The following BCO1 variants were observed in gnomAD, a reference collection of about 807,000 sequenced individuals.
The protein encoded by BCO1 is beta,beta-carotene 15,15'-dioxygenase.
Under a neutral mutation model 56.3 loss-of-function variants are expected in BCO1, and 54 were observed. The ratio of observed to expected loss-of-function variants is 0.96; its 90% CI spans 0.77 to 1.20. BCO1 has a LOEUF of 1.20. BCO1 is among the 50% of genes most tolerant of loss of function. BCO1 has a pLI of 0.00. For missense variants in BCO1, 801 were observed against 690.9 expected, an observed-to-expected ratio of 1.16 and a Z score of -1.79; for synonymous variants, 318 against 266.1, an observed-to-expected ratio of 1.20 and a Z score of -1.90.
intron 1 of BCO1, among the ~76,000 whole-genome samples, chr16:81,243,578 C>T (rs117523449): frequency 0.015 from 2,235 of 152,264 alleles, 18 homozygotes; most frequent in Middle Eastern, 0.031. Flanking sequence ...AAGCAATTCT[C>T]CTGTCTCAGC....
In BCO1 at chr16:81,245,849, C is replaced by CTTT. The variant is rs1176582576; in HGVS notation, c.193+270_193+272dup. Among the ~76,000 whole-genome samples the CTTT allele has an allele frequency of 4.6e-4, 43 of 93,368 alleles. 4 individuals carry two copies. Among genetic ancestry groups the CTTT allele is most frequent in the Non-Finnish European group, 7.3e-4 (36 of 49,474 alleles). The allele number at this position is 93,368 out of a possible 152,430, so 61.3% of individuals were successfully genotyped here. A position where few individuals can be genotyped will look rare whatever the true frequency, so the allele number is the denominator to read the frequency against. ...CCTTGACTTGTGGCTCCATCTCTGT[C>CTTT]TTTTTTTTTTTTTTTTTTTTTTTTT... is the stretch of plus-strand genomic sequence containing the variant. On this transcript the variant is annotated intron_variant, in intron 2 of 10. Transcript: ENST00000258168.
chr16:81,250,773 G>T (rs189360347), intron 2 of BCO1, among the ~76,000 whole-genome samples: 1,614 of 152,098 alleles, frequency 0.011, 20 homozygotes, highest in Admixed American at 0.026. Context: ...TAGAGATAGG[G>T]TCTCGCCATG....
chr16:81,245,922 G>A lies in BCO1; in HGVS notation c.193+319G>A, dbSNP rs193103366. ...TTGTTGCCCAAGCTGGAGTGCAATG[G>A]TGCAATCTTGACTCACGGCAACCTG... On this transcript the variant is annotated intron_variant, in intron 2 of 10. Transcript: ENST00000258168. Among the ~76,000 whole-genome samples, 18 of 138,160 alleles carry A rather than the reference G, an allele frequency of 1.3e-4. No individual in the cohort carries two copies. In the Admixed American group the frequency reaches 1.4e-3, roughly 10 times the overall value. The allele number at this position is 138,160 out of a possible 152,430, so 90.6% of individuals were successfully genotyped here.
At chr16:81,259,445 G>T (rs1293158242) in intron 2 of BCO1, among the ~76,000 whole-genome samples, 2 of 152,204 alleles carry the variant, frequency 1.3e-5, no homozygotes, top group Middle Eastern at 3.4e-3. Context: ...AGTGAGCCGA[G>T]ATCGCACCAT....
At chr16:81,270,035 T>C in intron 6 of BCO1, 124 bp from the exon 7 acceptor site, 5 of 1,242,806 alleles carry the variant, frequency 4.0e-6, no homozygotes, top group Non-Finnish European at 5.9e-6. Flanking sequence ...ACACACAGAA[T>C]GCAGAATGGG....
At chr16:81,278,380 GCTC>G (rs1163526737) in intron 7 of BCO1, among the ~76,000 whole-genome samples, 1 of 152,130 alleles carries the variant, frequency 6.6e-6, no homozygotes, top group African/African-American at 2.4e-5. Flanking sequence ...CAGGTGCTGG[GCTC>G]CTTTGTCTCT....
In BCO1 at chr16:81,270,298, A is replaced by G; in HGVS notation, c.983A>G (p.Asp328Gly). ...CIVFDVIAYE[D>G]NSLYQLFYLA... Reference sequence around the variant, plus strand: ...GTGTTTGACGTCATTGCCTACGAGGACAACAGCCTCTACCAGCTCTTCTAC... The same window carrying G: ...GTGTTTGACGTCATTGCCTACGAGGGCAACAGCCTCTACCAGCTCTTCTAC... The change falls in exon 7 of 11, where the codon GAC becomes GGC. Residue 328 changes from aspartate (D) to glycine (G), a missense_variant. Transcript: ENST00000258168. The G allele has an allele frequency of 6.2e-7, 1 of 1,614,164 alleles. No homozygotes were observed. The highest frequency in any genetic ancestry group is 1.1e-5 in the South Asian group (1 of 91,078).
intron 5 of BCO1, among the ~76,000 whole-genome samples, chr16:81,265,987 C>T (rs1906798036): frequency 2.0e-5 from 3 of 152,196 alleles, no homozygotes; most frequent in South Asian, 2.1e-4. Flanking sequence ...ACCCACCATC[C>T]ATCTGTCTAC....
chr16:81,256,334 C>G (rs1363920562), intron 2 of BCO1, among the ~76,000 whole-genome samples: 1 of 152,114 alleles, frequency 6.6e-6, no homozygotes, highest in Admixed American at 6.6e-5. Flanking sequence ...CTCCTCTAAG[C>G]CCATCCTGTG....
At chr16:81,271,848 C>T (rs545351954) in intron 7 of BCO1, among the ~76,000 whole-genome samples, 1 of 151,966 alleles carries the variant, frequency 6.6e-6, no homozygotes, top group Admixed American at 6.6e-5. Context: ...CTCTGAGGTT[C>T]AAGCAATTCT....
rs187332976 is a variant in BCO1, at chr16:81,250,875, C to T, written c.193+5272C>T. 9.5e-4 allele frequency among the ~76,000 whole-genome samples: 145 copies of T among 152,276 alleles called. 1 individual carries two copies. Among genetic ancestry groups the T allele is most frequent in the African/African-American group, 3.3e-3 (138 of 41,554 alleles). Reference sequence around the variant, plus strand: ...GGATGACAAGTGTGAGCCACCGCGTCTGGCCATTCAGTAAAGCTTTGAATC... The same window carrying T: ...GGATGACAAGTGTGAGCCACCGCGTTTGGCCATTCAGTAAAGCTTTGAATC... On this transcript the variant is annotated intron_variant, in intron 2 of 10. Coordinates refer to ENST00000258168, the MANE Select transcript of BCO1 (RefSeq NM_017429.3).
chr16:81,262,101 A>G (rs758396669), intron 3 of BCO1, 35 bp from the exon 4 acceptor site: 2 of 1,611,170 alleles, frequency 1.2e-6, no homozygotes, highest in South Asian at 1.1e-5. Flanking sequence ...GGGTGGACAT[A>G]GCCACTGACT....
At chr16:81,285,024 G>A (rs1908096322) in intron 8 of BCO1, among the ~76,000 whole-genome samples, 1 of 151,132 alleles carries the variant, frequency 6.6e-6, no homozygotes, top group South Asian at 2.1e-4. Flanking sequence ...ATTTTTAGTA[G>A]AGGGAGGGTT....
chr16:81,287,258 C>T (rs756969068), intron 9 of BCO1, 37 bp from the exon 10 acceptor site: 10 of 1,451,712 alleles, frequency 6.9e-6, no homozygotes, highest in African/African-American at 1.4e-5. Context: ...TTCTCTCAAA[C>T]AAGTCATTTA....
chr16:81,278,424 C>T (rs931688513), intron 7 of BCO1, among the ~76,000 whole-genome samples: 7 of 152,174 alleles, frequency 4.6e-5, no homozygotes, highest in Non-Finnish European at 1.0e-4. Context: ...CTTACAGCCA[C>T]CGTGCAAAAC....
chr16:81,265,742 T>C (rs1291329818), intron 5 of BCO1, among the ~76,000 whole-genome samples: 1 of 131,126 alleles, frequency 7.6e-6, no homozygotes, highest in Non-Finnish European at 1.7e-5. Context: ...AATCCATTCA[T>C]CCATCTACAT....
intron 10 of BCO1, among the ~76,000 whole-genome samples, chr16:81,289,573 C>G (rs1258588953): frequency 6.6e-6 from 1 of 152,116 alleles, no homozygotes; most frequent in Admixed American, 6.6e-5. Context: ...CCCAAGAGAT[C>G]GAGATTGCAG....
At chr16:81,267,416 C>A (rs900303631) in intron 5 of BCO1, among the ~76,000 whole-genome samples, 1 of 152,196 alleles carries the variant, frequency 6.6e-6, no homozygotes, top group Non-Finnish European at 1.5e-5. Flanking sequence ...AGTTCGAGAA[C>A]AGCCTGGCCA....
chr16:81,238,789 T>C lies in BCO1; in HGVS notation c.-120T>C. On this transcript the variant is annotated 5_prime_UTR_variant, in exon 1 of 11. The change abolishes the stop of an existing upstream ORF in the 5' untranslated region. Transcript: ENST00000258168. ...AACGGCATCAGGAGAGACAGAGATG[T>C]GAAGGAGGGAAGGAGCAGGAGAGCA... 1.1e-6 allele frequency: 1 copy of C among 871,506 alleles called. No homozygotes were observed. The highest frequency in any genetic ancestry group is 2.5e-5 in the East Asian group (1 of 39,638). 54.0% of individuals were successfully genotyped at this position (871,506 alleles called of 1,614,324 possible).
Sources: gnomAD v4.1 joint callset for allele counts (sites outside exome capture counted in the v4.1 genomes callset) on GRCh38, gnomAD v4.1.1 for gene constraint, MANE v1.5 for transcripts, NCBI Gene and HGNC (gene_info 2026-07-23, HGNC 2026-07-21) for gene names.